The following MAPK4 variants were observed in gnomAD, a reference collection of about 807,000 sequenced individuals.
The protein encoded by MAPK4 is Erk3-related.
A neutral mutation model predicts 47.7 loss-of-function variants in MAPK4; 22 were observed. The ratio of observed to expected loss-of-function variants is 0.46; its 90% CI spans 0.33 to 0.66. MAPK4 has a LOEUF of 0.66. MAPK4 is among the 30% of genes least tolerant of loss of function. MAPK4 has a pLI of 0.02. For missense variants in MAPK4, 736 were observed against 831.7 expected (o/e 0.88, Z 1.42); for synonymous variants, 390 against 365.7 (o/e 1.07, Z -0.76).
intron 1 of MAPK4, among the ~76,000 whole-genome samples, chr18:50,578,226 G>A (rs2042314908): frequency 6.6e-6 from 1 of 152,212 alleles, no homozygotes; most frequent in Admixed American, 6.5e-5. Flanking sequence ...CTGGAAAAGG[G>A]GAAGTGGCCA....
At chr18:50,701,002 C>A (rs1023784038) in intron 2 of MAPK4, among the ~76,000 whole-genome samples, 2 of 152,150 alleles carry the variant, frequency 1.3e-5, no homozygotes, top group Non-Finnish European at 2.9e-5. Flanking sequence ...ATGCCCTTCA[C>A]GTGTTCCCTC....
chr18:50,601,540 T>C (rs928446983), intron 1 of MAPK4, among the ~76,000 whole-genome samples: 1 of 152,044 alleles, frequency 6.6e-6, no homozygotes, highest in African/African-American at 2.4e-5. Flanking sequence ...CTCTTCCTCT[T>C]TCTCTTTTGG....
intron 1 of MAPK4, among the ~76,000 whole-genome samples, chr18:50,656,063 G>A (rs2144225404): frequency 1.3e-5 from 2 of 152,254 alleles, no homozygotes; most frequent in South Asian, 4.2e-4. Flanking sequence ...TCCATGCCAG[G>A]TGAGACCCAG....
chr18:50,713,294 T>A (rs894647432), intron 2 of MAPK4, among the ~76,000 whole-genome samples: 2 of 152,214 alleles, frequency 1.3e-5, no homozygotes, highest in Non-Finnish European at 2.9e-5. Context: ...TAAACTCTTA[T>A]AAAAATGACA....
chr18:50,565,431 G>A (rs1439249289), intron 1 of MAPK4, among the ~76,000 whole-genome samples: 1 of 152,162 alleles, frequency 6.6e-6, no homozygotes, highest in African/African-American at 2.4e-5. Context: ...CTCTTTTTCA[G>A]GTCACTCTAA....
chr18:50,566,899 T>G (rs1186163572), intron 1 of MAPK4, among the ~76,000 whole-genome samples: 1 of 152,220 alleles, frequency 6.6e-6, no homozygotes, highest in Non-Finnish European at 1.5e-5. Context: ...TTGCTGTGTA[T>G]TTTTAGTGTG....
intron 2 of MAPK4, among the ~76,000 whole-genome samples, chr18:50,683,550 A>G (rs1908706309): frequency 2.0e-5 from 3 of 151,984 alleles, no homozygotes; most frequent in African/African-American, 7.3e-5. Flanking sequence ...TTATACCTCA[A>G]TGAAGCTGTT....
chr18:50,601,378 GATCTGTT>G (rs1052352127), intron 1 of MAPK4, among the ~76,000 whole-genome samples: 1 of 147,186 alleles, frequency 6.8e-6, no homozygotes, highest in Non-Finnish European at 1.5e-5. Context: ...GCCGTTGATT[GATCTGTT>G]TTGTCCTAGT....
At chr18:50,668,825 A>G (rs4940002) in intron 2 of MAPK4, among the ~76,000 whole-genome samples, 103,781 of 152,112 alleles carry the variant, frequency 0.68, 36,222 homozygotes, top group African/African-American at 0.85. Flanking sequence ...TCAAGGTCAC[A>G]CAATGAGTGG....
chr18:50,600,272 A>G (rs2042523267), intron 1 of MAPK4, among the ~76,000 whole-genome samples: 1 of 152,078 alleles, frequency 6.6e-6, no homozygotes, highest in Non-Finnish European at 1.5e-5. Context: ...CTTTCCTTCT[A>G]TCCCACAGAA....
chr18:50,698,353 A>G (rs1020426821), intron 2 of MAPK4, among the ~76,000 whole-genome samples: 21 of 152,268 alleles, frequency 1.4e-4, no homozygotes, highest in African/African-American at 4.6e-4. Flanking sequence ...TTAAGTAAAT[A>G]CATATTTATC....
intron 1 of MAPK4, among the ~76,000 whole-genome samples, chr18:50,642,734 T>A (rs981254094): frequency 6.6e-6 from 1 of 152,168 alleles, no homozygotes; most frequent in African/African-American, 2.4e-5. Flanking sequence ...ACTGAACCCC[T>A]GCAAAAGTAA....
chr18:50,616,283 G>T (rs1189437904), intron 1 of MAPK4, among the ~76,000 whole-genome samples: 1 of 152,166 alleles, frequency 6.6e-6, no homozygotes, highest in East Asian at 1.9e-4. Flanking sequence ...TGCCTGGATT[G>T]AAATCCCAGC....
At chr18:50,687,033 G>T (rs185837751) in intron 2 of MAPK4, among the ~76,000 whole-genome samples, 30 of 152,348 alleles carry the variant, frequency 2.0e-4, no homozygotes, top group African/African-American at 7.0e-4. Context: ...AAACATAGAT[G>T]AAAATAACTT....
chr18:50,569,863 T>A (rs1180450570), intron 1 of MAPK4, among the ~76,000 whole-genome samples: 3 of 152,258 alleles, frequency 2.0e-5, no homozygotes, highest in African/African-American at 7.2e-5. Context: ...CTTCCTATTT[T>A]GGATTGACAG....
chr18:50,660,476 G>T (rs757068186), intron 1 of MAPK4, among the ~76,000 whole-genome samples: 2 of 152,178 alleles, frequency 1.3e-5, no homozygotes, highest in African/African-American at 2.4e-5. Flanking sequence ...ACGGTACTCA[G>T]CTCCTTCCAG....
chr18:50,596,155 T>C (rs2149369790), intron 1 of MAPK4, among the ~76,000 whole-genome samples: 1 of 152,336 alleles, frequency 6.6e-6, no homozygotes, highest in Non-Finnish European at 1.5e-5. Context: ...GGATAGGTGC[T>C]ATTGTCATCC....
intron 2 of MAPK4, among the ~76,000 whole-genome samples, chr18:50,679,698 C>T (rs74410027): frequency 1.3e-5 from 2 of 152,318 alleles, no homozygotes; most frequent in East Asian, 3.9e-4. Flanking sequence ...TCCTGGTACC[C>T]TCTGTGATGA....
chr18:50,683,168 G>A (rs1008627100), intron 2 of MAPK4, among the ~76,000 whole-genome samples: 2 of 152,020 alleles, frequency 1.3e-5, no homozygotes, highest in African/African-American at 4.8e-5. Context: ...TGCCCAGGCT[G>A]GAGTGCAGTG....
Sources: allele counts gnomAD v4.1 joint callset (sites outside exome capture counted in the v4.1 genomes callset), GRCh38; gene constraint gnomAD v4.1.1; transcripts MANE v1.5; gene names NCBI Gene and HGNC (gene_info 2026-07-23, HGNC 2026-07-21).